Variants in DENND4B observed in about 807,000 individuals in gnomAD.
DENND4B encodes DENN domain-containing protein 4B.
A neutral mutation model predicts 161.0 loss-of-function variants in DENND4B; 67 were observed. The ratio of observed to expected loss-of-function variants is 0.42; its 90% CI spans 0.34 to 0.51. DENND4B has a LOEUF of 0.51. Ranked by LOEUF, DENND4B falls within the 20% of genes least tolerant of loss-of-function variation. The probability of loss-of-function intolerance (pLI) is 0.08; values close to 1 mark genes in which losing one functional copy is unlikely to be tolerated. For missense variants in DENND4B, 1,481 were observed against 1,968.0 expected (o/e 0.75, Z 4.68); for synonymous variants, 753 against 813.8 (o/e 0.93, Z 1.27).
At position 153,944,296 on chromosome 1, in the gene DENND4B, C is replaced by G; in HGVS notation, c.79G>C (p.Glu27Gln). 3 of 1,605,306 alleles carry G rather than the reference C, an allele frequency of 1.9e-6. No individual in the cohort carries two copies. Among genetic ancestry groups the G allele is most frequent in the Non-Finnish European group, 2.6e-6 (3 of 1,175,086 alleles). The change falls in exon 2 of 28, where the codon GAG (glutamate) becomes CAG (glutamine). Residue 27 changes from glutamate (E) to glutamine (Q), a missense_variant. By Grantham distance (29) the Glu-to-Gln change is conservative. Coordinates refer to ENST00000361217, the MANE Select transcript of DENND4B (RefSeq NM_014856.3). This position sits in a 1 kb window ranked among gnomAD's most constrained non-coding sequence, Gnocchi z 4.8. Reference sequence around the variant, plus strand: ...CTGGGTTCAGGAACCCACGTTTCCTCAGGGATGGGTGCTCCGTTCCCTGCA... The same window carrying G: ...CTGGGTTCAGGAACCCACGTTTCCTGAGGGATGGGTGCTCCGTTCCCTGCA... ...GLAGNGAPIPEETWVPEPSGP... is the reference protein window; with the variant it reads ...GLAGNGAPIPQETWVPEPSGP...
At position 153,930,408 on chromosome 1, in the gene DENND4B, G is replaced by C. The variant is rs748814708; in HGVS notation, c.4380C>G (p.Asn1460Lys). The C allele has an allele frequency of 1.2e-6, 2 of 1,614,010 alleles. No individual in the cohort carries two copies. The highest frequency in any genetic ancestry group is 2.2e-5 in the South Asian group (2 of 91,088). ...AFDKKYKSAFNKLASSMGKEE... is the reference protein window; with the variant it reads ...AFDKKYKSAFKKLASSMGKEE... ...CCTTGCCCATGCTGCTGGCCAGCTT[G>C]TTAAAGGCAGACTTGTACTTCTTAT... is the stretch of plus-strand genomic sequence containing the variant. The change falls in exon 28 of 28, where the codon AAC becomes AAG. Residue 1460 changes from asparagine to lysine, a missense_variant. Physicochemically the swap from Asn to Lys is moderately conservative, Grantham distance 94. Transcript: ENST00000361217. This position sits in a 1 kb window ranked among gnomAD's most constrained non-coding sequence, Gnocchi z 4.7.
chr1:153,941,085 G>C (rs761717976), intron 8 of DENND4B, 37 bp from the exon 9 acceptor site: 48 of 1,554,834 alleles, frequency 3.1e-5, no homozygotes, highest in Non-Finnish European at 3.9e-5. Context: ...GGGTCACCAG[G>C]ATACCCTGGG....
rs575035886 is a variant in DENND4B, at chr1:153,942,280, G to A, written c.717C>T (p.Pro239=). 6.2e-7 allele frequency: 1 copy of A among 1,613,898 alleles called. No individual in the cohort carries two copies. Among genetic ancestry groups the A allele is most frequent in the East Asian group, 2.2e-5 (1 of 44,848 alleles). ...GCCAGCACTCGATAGTGGCCCCCATGGGCAGGCAGAAGACGGGCACTGACT... is the reference window on the plus strand; with the variant it reads ...GCCAGCACTCGATAGTGGCCCCCATAGGCAGGCAGAAGACGGGCACTGACT... ...LPESVPVFCL[P]MGATIECWPA... is the part of the protein sequence containing the mutation. Residue 239 remains proline, a synonymous_variant, in exon 5 of 28, where the codon CCC becomes CCT. Coordinates refer to ENST00000361217, the MANE Select transcript of DENND4B (RefSeq NM_014856.3). The surrounding 1 kb of genome is among the most constrained non-coding windows in gnomAD (Gnocchi z 6.9).
At position 153,930,739 on chromosome 1, in the gene DENND4B, G is replaced by A; in HGVS notation, c.4233C>T (p.Leu1411=). The A allele has an allele frequency of 1.2e-6, 2 of 1,611,292 alleles. No individual in the cohort carries two copies. The highest frequency in any genetic ancestry group is 1.7e-6 in the Non-Finnish European group (2 of 1,178,634). ...GLNEVHKAVG[L]LLETLGPPPT... ...GTGGGGGCCCTAGAGTTTCCAGCAG[G>A]AGCCCCACAGCCTTGTGCACTTCAT... The change falls in exon 26 of 28, where the codon CTC becomes CTT. Residue 1411 remains leucine, a synonymous_variant. Coordinates refer to ENST00000361217, the MANE Select transcript of DENND4B (RefSeq NM_014856.3). The surrounding 1 kb of genome is among the most constrained non-coding windows in gnomAD (Gnocchi z 4.7).
Position 153,940,500 on chromosome 1 carries a change from C to T in DENND4B, c.1433G>A (p.Ser478Asn). ...AGGCGGGTCATGCAGATCAAAGTAGCTGGAGTGGATACCCACAATGAAGGG... is the reference window on the plus strand; with the variant it reads ...AGGCGGGTCATGCAGATCAAAGTAGTTGGAGTGGATACCCACAATGAAGGG... ...PVPFIVGIHS[S>N]YFDLHDPPAD... Residue 478 changes from serine (S) to asparagine (N), a missense_variant, in exon 10 of 28, where the codon AGC (serine) becomes AAC (asparagine). Ser to Asn is a conservative substitution (Grantham distance 46). Around this residue, in one of 3 missense-constraint regions of DENND4B, gnomAD observed 806 missense variants for 1,134.4 expected, o/e 0.71. Transcript: ENST00000361217. This position sits in a 1 kb window ranked among gnomAD's most constrained non-coding sequence, Gnocchi z 5.6. 1 of 1,613,252 alleles carries T rather than the reference C, an allele frequency of 6.2e-7. No homozygotes were observed. Among genetic ancestry groups the T allele is most frequent in the Non-Finnish European group, 8.5e-7 (1 of 1,179,606 alleles).
intron 17 of DENND4B, 96 bp downstream of exon 17, chr1:153,935,964 C>G: frequency 6.7e-7 from 1 of 1,486,114 alleles, no homozygotes; most frequent in Non-Finnish European, 9.1e-7. Context: ...GCAAACAGTA[C>G]CAGCCCAATC....
chr1:153,940,805 C>T lies in DENND4B; in HGVS notation c.1326+99G>A, dbSNP rs1679620598. 2.0e-6 allele frequency: 3 copies of T among 1,478,082 alleles called. No individual in the cohort carries two copies. The highest frequency in any genetic ancestry group is 1.4e-5 in the African/African-American group (1 of 71,204). 91.6% of individuals were successfully genotyped at this position (1,478,082 alleles called of 1,614,324 possible). A position where few individuals can be genotyped will look rare whatever the true frequency, so the allele number is the denominator to read the frequency against. ...GTGCCCAGGGAAAGGGGCTGAGGAT[C>T]CTCCACAAGGAAGGAAAAGGGAAGA... is the stretch of plus-strand genomic sequence containing the variant. On this transcript the variant is annotated intron_variant, in intron 9 of 27. Transcript: ENST00000361217. This position sits in a 1 kb window ranked among gnomAD's most constrained non-coding sequence, Gnocchi z 5.6.
In DENND4B at chr1:153,942,752, A is replaced by T; in HGVS notation, c.570+126T>A. On this transcript the variant is annotated intron_variant, in intron 3 of 27. Transcript: ENST00000361217. The surrounding 1 kb of genome is among the most constrained non-coding windows in gnomAD (Gnocchi z 6.9). ...CTCCCATTAATCCCAGTGCCCCAAG[A>T]CCAGAGTTACCCCTCTGGACTCACC... 6.8e-7 allele frequency: 1 copy of T among 1,473,870 alleles called. No homozygotes were observed. Among genetic ancestry groups the T allele is most frequent in the Admixed American group, 2.5e-5 (1 of 39,904 alleles). The allele number at this position is 1,473,870 out of a possible 1,614,324, so 91.3% of individuals were successfully genotyped here.
rs1212549218 is a variant in DENND4B at position 153,939,770 on chromosome 1, C to T, written c.1638G>A (p.Glu546=). The T allele has an allele frequency of 6.2e-7, 1 of 1,613,922 alleles. No homozygotes were observed. The highest frequency in any genetic ancestry group is 1.3e-5 in the African/African-American group (1 of 75,050). The change falls in exon 12 of 28, where the codon GAG becomes GAA. Residue 546 remains glutamate, a synonymous_variant. Transcript: ENST00000361217. ...CTGCCTCGTAGTCTGTCAGTAGGAA[C>T]TCCAGGGATGCTTCCTCCTCAGGTC... The part of the protein sequence containing the change: ...YTGPEEEASL[E]FLLTDYEAVC...
chr1:153,946,246 C>T lies in DENND4B; in HGVS notation c.-24+55G>A. ...CATCCCCCACCCCGCCTGCCGCCCG[C>T]GCTCCCTCCTGCCCGTCCCCGCCTG... On this transcript the variant is annotated intron_variant, in intron 1 of 27. Transcript: ENST00000361217. The surrounding 1 kb of genome is among the most constrained non-coding windows in gnomAD (Gnocchi z 6.3). The T allele has an allele frequency of 3.0e-6, 1 of 332,770 alleles. No individual in the cohort carries two copies. The highest frequency in any genetic ancestry group is 5.4e-6 in the Non-Finnish European group (1 of 183,918). The allele number at this position is 332,770 out of a possible 1,614,324, so 20.6% of individuals were successfully genotyped here.
chr1:153,933,800 G>A lies in DENND4B; in HGVS notation c.3013C>T (p.Leu1005=), dbSNP rs752605170. ...VPWHDGSLSD[L]SLTGEEPLPG... is the part of the protein sequence containing the mutation. ...AGCGGCTCCTCCCCTGTCAGGCTCAGGTCTGAGAGACTTCCATCGTGCCAG... is the reference window on the plus strand; with the variant it reads ...AGCGGCTCCTCCCCTGTCAGGCTCAAGTCTGAGAGACTTCCATCGTGCCAG... The change falls in exon 20 of 28, where the codon CTG becomes TTG. Residue 1005 remains leucine, a synonymous_variant. Coordinates refer to ENST00000361217, the MANE Select transcript of DENND4B (RefSeq NM_014856.3). The surrounding 1 kb of genome is among the most constrained non-coding windows in gnomAD (Gnocchi z 5.7). 5 of 1,612,736 alleles carry A rather than the reference G, an allele frequency of 3.1e-6. No individual in the cohort carries two copies. The South Asian group carries it at 4.4e-5, about 14-fold the overall frequency.
rs747463560 is a variant in DENND4B at position 153,937,664 on chromosome 1, C to T, written c.2106-50G>A. 40 of 1,612,370 alleles carry T rather than the reference C, an allele frequency of 2.5e-5. No homozygotes were observed. The Admixed American group carries it at 4.3e-4, about 17-fold the overall frequency. Reference sequence around the variant, plus strand: ...TCGGGGCAGTCAGCACAGGGCGAAGCGAGTTGGACTGGACCAGTCTATGGG... The same window carrying T: ...TCGGGGCAGTCAGCACAGGGCGAAGTGAGTTGGACTGGACCAGTCTATGGG... On this transcript the variant is annotated intron_variant, in intron 14 of 27. Transcript: ENST00000361217. The surrounding 1 kb of genome is among the most constrained non-coding windows in gnomAD (Gnocchi z 4.7).
At position 153,934,799 on chromosome 1, in the gene DENND4B, G is replaced by C. The variant is rs1557849200; in HGVS notation, c.2734C>G (p.Gln912Glu). 6.3e-7 allele frequency: 1 copy of C among 1,592,760 alleles called. No individual in the cohort carries two copies. Among genetic ancestry groups the C allele is most frequent in the Admixed American group, 1.8e-5 (1 of 55,406 alleles). Residue 912 changes from glutamine to glutamate, a missense_variant, in exon 18 of 28, where the codon CAG (glutamine) becomes GAG (glutamate). By Grantham distance (29) the Gln-to-Glu change is conservative. Transcript: ENST00000361217. This position sits in a 1 kb window ranked among gnomAD's most constrained non-coding sequence, Gnocchi z 5.3. ...CCTGCCTCTTGATGTGCTGACACCTGCTCCTGCTGCTGCTGCTGCTGCTGC... is the reference window on the plus strand; with the variant it reads ...CCTGCCTCTTGATGTGCTGACACCTCCTCCTGCTGCTGCTGCTGCTGCTGC... The part of the protein sequence containing the change: ...QQQQQQQQQE[Q>E]VSAHQEAGSS...
Position 153,934,595 on chromosome 1 carries a change from C to T in DENND4B, c.2773+165G>A. 1.6e-6 allele frequency: 2 copies of T among 1,278,398 alleles called. No individual in the cohort carries two copies. Among genetic ancestry groups the T allele is most frequent in the Non-Finnish European group, 2.1e-6 (2 of 945,780 alleles). The allele number at this position is 1,278,398 out of a possible 1,614,324, so 79.2% of individuals were successfully genotyped here. A position where few individuals can be genotyped will look rare whatever the true frequency, so the allele number is the denominator to read the frequency against. On this transcript the variant is annotated intron_variant, in intron 18 of 27. Transcript: ENST00000361217. The surrounding 1 kb of genome is among the most constrained non-coding windows in gnomAD (Gnocchi z 5.3). ...TAGCTGGGACTACAGGTGCGCGCCA[C>T]CACGCCCAGCTAATTTTTTTATCCC...
intron 17 of DENND4B, 193 bp downstream of exon 17, chr1:153,935,867 G>A: frequency 1.6e-6 from 1 of 627,894 alleles, no homozygotes; most frequent in Middle Eastern, 4.6e-4. Context: ...TGTCATGAGT[G>A]GGAATCAAAG....
chr1:153,937,379 C>T lies in DENND4B; in HGVS notation c.2232+109G>A. ...CAAGCACATTTAAACTCCTAACAAC[C>T]TCATGGGTTAAGTATTATTGTTATA... On this transcript the variant is annotated intron_variant, in intron 15 of 27. Coordinates refer to ENST00000361217, the MANE Select transcript of DENND4B (RefSeq NM_014856.3). This position sits in a 1 kb window ranked among gnomAD's most constrained non-coding sequence, Gnocchi z 4.7. 3 of 1,412,238 alleles carry T rather than the reference C, an allele frequency of 2.1e-6. No individual in the cohort carries two copies. The highest frequency in any genetic ancestry group is 1.6e-5 in the South Asian group (1 of 63,070). 87.5% of individuals were successfully genotyped at this position (1,412,238 alleles called of 1,614,324 possible).
chr1:153,935,989 G>A, intron 17 of DENND4B, 71 bp downstream of exon 17: 1 of 1,579,158 alleles, frequency 6.3e-7, no homozygotes. Context: ...AGGAGCGAGG[G>A]GAGCAGCAGC....
In DENND4B at chr1:153,937,921, G is replaced by C; in HGVS notation, c.1966-58C>G. ...GATGGTGGGCATGGAGCAGAGCCAG[G>C]GTGTCTAGACGATGGCATCTCCCAG... On this transcript the variant is annotated intron_variant, in intron 13 of 27. Coordinates refer to ENST00000361217, the MANE Select transcript of DENND4B (RefSeq NM_014856.3). The surrounding 1 kb of genome is among the most constrained non-coding windows in gnomAD (Gnocchi z 4.7). The C allele has an allele frequency of 6.2e-7, 1 of 1,609,036 alleles. No individual in the cohort carries two copies. Among genetic ancestry groups the C allele is most frequent in the Admixed American group, 1.7e-5 (1 of 59,736 alleles).
Position 153,937,716 on chromosome 1 carries a change from ACT to A in DENND4B, c.2105+6_2105+7del. ...CCCTGGAACATGTGAAGGCTAAGAGACTCTCACCAGTACTGGGGAGTGGATTC... is the reference window on the plus strand; with the variant it reads ...CCCTGGAACATGTGAAGGCTAAGAGACTCACCAGTACTGGGGAGTGGATTC... On this transcript the variant is annotated splice_donor_region_variant and intron_variant, in intron 14 of 27. Coordinates refer to ENST00000361217, the MANE Select transcript of DENND4B (RefSeq NM_014856.3). The surrounding 1 kb of genome is among the most constrained non-coding windows in gnomAD (Gnocchi z 4.7). 6.2e-7 allele frequency: 1 copy of A among 1,613,884 alleles called. No homozygotes were observed. Among genetic ancestry groups the A allele is most frequent in the East Asian group, 2.2e-5 (1 of 44,882 alleles).
Sources: allele counts gnomAD v4.1 joint callset, GRCh38; gene constraint gnomAD v4.1.1; regional missense constraint gnomAD v4.1.1; non-coding constraint Gnocchi (gnomAD v3.1); transcripts MANE v1.5; gene names NCBI Gene and HGNC (gene_info 2026-07-23, HGNC 2026-07-21).